The following KIAA1328 variants were observed in gnomAD, a reference collection of about 807,000 sequenced individuals.
KIAA1328 encodes KIAA1328.
Under a neutral mutation model 68.1 loss-of-function variants are expected in KIAA1328, and 52 were observed. That is an observed-to-expected ratio of 0.76 (90% CI 0.61 to 0.96). The LOEUF (loss-of-function observed/expected upper bound fraction) is 0.96, where lower values mean the gene tolerates loss of function less well. KIAA1328 is among the 40% of genes least tolerant of loss of function. The pLI, the probability that KIAA1328 is intolerant of heterozygous loss-of-function variation, is 0.00. For missense variants in KIAA1328, 641 were observed against 677.6 expected, an observed-to-expected ratio of 0.95 and a Z score of 0.60; for synonymous variants, 232 against 239.4, an observed-to-expected ratio of 0.97 and a Z score of 0.28.
At chr18:37,033,275 A>G (rs2054903969) in intron 6 of KIAA1328, among the ~76,000 whole-genome samples, 2 of 152,164 alleles carry the variant, frequency 1.3e-5, no homozygotes, top group Admixed American at 1.3e-4. Flanking sequence ...CTGTTGACTT[A>G]CTAGTCAGAT....
chr18:37,217,632 G>A (rs1369629323), intron 9 of KIAA1328, among the ~76,000 whole-genome samples: 1 of 152,116 alleles, frequency 6.6e-6, no homozygotes, highest in African/African-American at 2.4e-5. Flanking sequence ...TGGTGAATCT[G>A]ACAATTATGT....
intron 7 of KIAA1328, among the ~76,000 whole-genome samples, chr18:37,142,886 T>TA (rs1247776745): frequency 6.6e-6 from 1 of 151,960 alleles, no homozygotes; most frequent in Non-Finnish European, 1.5e-5. Context: ...ACTGACACCC[T>TA]AAAAAATATT....
intron 9 of KIAA1328, among the ~76,000 whole-genome samples, chr18:37,207,997 T>C (rs1271228799): frequency 6.6e-6 from 1 of 152,014 alleles, no homozygotes; most frequent in Non-Finnish European, 1.5e-5. Context: ...GCAGTAGAGA[T>C]AGGGTTTCAC....
At chr18:36,934,264 T>C (rs2050419180) in intron 5 of KIAA1328, among the ~76,000 whole-genome samples, 3 of 152,186 alleles carry the variant, frequency 2.0e-5, no homozygotes. Flanking sequence ...CTCTGGAAAT[T>C]GGCTCAGAGT....
intron 6 of KIAA1328, among the ~76,000 whole-genome samples, chr18:36,992,065 G>C (rs1343563562): frequency 6.6e-6 from 1 of 152,130 alleles, no homozygotes; most frequent in African/African-American, 2.4e-5. Context: ...TTTCCTTTCT[G>C]TGAAATGTCT....
chr18:37,147,394 T>C (rs1375067355), intron 7 of KIAA1328, among the ~76,000 whole-genome samples: 5 of 152,226 alleles, frequency 3.3e-5, no homozygotes, highest in African/African-American at 1.2e-4. Flanking sequence ...TTTTCACGTC[T>C]GGTAATTTTT....
intron 6 of KIAA1328, among the ~76,000 whole-genome samples, chr18:37,043,102 C>A (rs1311863742): frequency 1.3e-5 from 2 of 152,078 alleles, no homozygotes; most frequent in South Asian, 2.1e-4. Context: ...AAAAAAAATT[C>A]TCTCTCTTTA....
At chr18:36,911,243 C>T (rs987245216) in intron 5 of KIAA1328, among the ~76,000 whole-genome samples, 8 of 152,112 alleles carry the variant, frequency 5.3e-5, no homozygotes, top group African/African-American at 1.7e-4. Flanking sequence ...ATAAAAATTA[C>T]TAGAATCACC....
At chr18:37,096,920 C>T (rs1272775688) in intron 7 of KIAA1328, among the ~76,000 whole-genome samples, 6 of 151,902 alleles carry the variant, frequency 3.9e-5, no homozygotes, top group African/African-American at 1.2e-4. Flanking sequence ...TTGTTGGGGC[C>T]GTTTGTTTTT....
At chr18:36,887,113 T>TA (rs1556809629) in intron 5 of KIAA1328, among the ~76,000 whole-genome samples, 1 of 100,744 alleles carries the variant, frequency 9.9e-6, no homozygotes, top group Non-Finnish European at 2.4e-5. Context: ...CAACTTTCTC[T>TA]TTTTTTTTTT....
At chr18:37,044,907 A>G (rs1028957769) in intron 6 of KIAA1328, among the ~76,000 whole-genome samples, 12 of 152,150 alleles carry the variant, frequency 7.9e-5, no homozygotes, top group Admixed American at 1.3e-4. Flanking sequence ...TACGATAAAT[A>G]TATATACAAT....
intron 7 of KIAA1328, among the ~76,000 whole-genome samples, chr18:37,085,058 A>T (rs2057062186): frequency 6.6e-6 from 1 of 152,098 alleles, no homozygotes; most frequent in Non-Finnish European, 1.5e-5. Context: ...CAGGGATGCC[A>T]ATCTAGACTG....
intron 7 of KIAA1328, among the ~76,000 whole-genome samples, chr18:37,086,385 C>A (rs750436633): frequency 2.6e-5 from 4 of 152,250 alleles, no homozygotes; most frequent in East Asian, 3.9e-4. Context: ...TACAAGATAT[C>A]CCTCCTGGAG....
At chr18:37,204,152 A>G (rs1451303157) in intron 9 of KIAA1328, among the ~76,000 whole-genome samples, 1 of 152,212 alleles carries the variant, frequency 6.6e-6, no homozygotes, top group Admixed American at 6.5e-5. Flanking sequence ...ATAAGCTCAC[A>G]GACAAGGACG....
At chr18:36,981,309 A>G (rs1469796664) in intron 6 of KIAA1328, among the ~76,000 whole-genome samples, 1 of 114,280 alleles carries the variant, frequency 8.8e-6, no homozygotes, top group Non-Finnish European at 2.2e-5. Flanking sequence ...AAACTGTGAC[A>G]GAATAAACCG....
At chr18:36,956,752 A>G (rs1193008243) in intron 5 of KIAA1328, among the ~76,000 whole-genome samples, 1 of 152,140 alleles carries the variant, frequency 6.6e-6, no homozygotes, top group Non-Finnish European at 1.5e-5. Context: ...GACCAGACTA[A>G]TATGTTCACC....
chr18:37,095,479 G>A (rs552209006), intron 7 of KIAA1328, among the ~76,000 whole-genome samples: 2 of 152,162 alleles, frequency 1.3e-5, no homozygotes, highest in Admixed American at 6.6e-5. Flanking sequence ...CTCCCAAATG[G>A]CCATTGTGTC....
intron 6 of KIAA1328, among the ~76,000 whole-genome samples, chr18:37,038,952 T>A (rs966950760): frequency 6.6e-6 from 1 of 152,204 alleles, no homozygotes; most frequent in Admixed American, 6.5e-5. Flanking sequence ...ATGCTTTTTC[T>A]GTTTCATGGA....
At chr18:37,108,684 G>A (rs2057842799) in intron 7 of KIAA1328, among the ~76,000 whole-genome samples, 1 of 152,084 alleles carries the variant, frequency 6.6e-6, no homozygotes, top group Non-Finnish European at 1.5e-5. Context: ...GTCTTACATA[G>A]CCTTTAGGAG....
Sources: allele counts gnomAD v4.1 joint callset (sites outside exome capture counted in the v4.1 genomes callset), GRCh38; gene constraint gnomAD v4.1.1; transcripts MANE v1.5; gene names NCBI Gene and HGNC (gene_info 2026-07-23, HGNC 2026-07-21).